The following CELF2 variants were observed in gnomAD, a reference collection of about 807,000 sequenced individuals.
CELF2 encodes the protein CUG triplet repeat RNA-binding protein 2.
Under a neutral mutation model 62.6 loss-of-function variants are expected in CELF2, and 8 were observed. The ratio of observed to expected loss-of-function variants is 0.13; its 90% CI spans 0.07 to 0.23. CELF2 has a LOEUF of 0.23. Among genes scored for constraint, CELF2 ranks in the 10% least tolerant of loss-of-function variants. The pLI, the probability that CELF2 is intolerant of heterozygous loss-of-function variation, is 1.00. For synonymous variants in CELF2, 258 were observed against 250.0 expected (o/e 1.03, Z -0.30); for missense variants, 333 against 671.0 (o/e 0.50, Z 5.56).
chr10:11,257,897 C>G (rs1391499527), intron 5 of CELF2, 25 bp downstream of exon 5: 2 of 1,613,186 alleles, frequency 1.2e-6, no homozygotes, highest in Non-Finnish European at 1.7e-6. Flanking sequence ...TGGAAAGCCT[C>G]TCCCCTTCAG....
intron 3 of CELF2, among the ~76,000 whole-genome samples, chr10:11,226,192 T>C (rs1295228448): frequency 6.6e-6 from 1 of 152,196 alleles, no homozygotes; most frequent in Non-Finnish European, 1.5e-5. Flanking sequence ...TTTTCACAAC[T>C]CCACAGGACA....
At chr10:11,106,544 ACACTTTTAATATTAGT>A (rs1168495903) in intron 1 of CELF2, among the ~76,000 whole-genome samples, 2 of 152,226 alleles carry the variant, frequency 1.3e-5, no homozygotes, top group African/African-American at 4.8e-5. Context: ...GCCCATCTTG[ACACTTTTAATATTAGT>A]CTTGAAACAG....
intron 1 of CELF2, among the ~76,000 whole-genome samples, chr10:11,142,851 C>T (rs998164122): frequency 1.3e-5 from 2 of 152,082 alleles, no homozygotes; most frequent in African/African-American, 4.8e-5. Context: ...TCTGGTAGAG[C>T]CAAGGTCTGT....
intron 1 of CELF2, among the ~76,000 whole-genome samples, chr10:11,086,670 G>A (rs566910716): frequency 2.1e-5 from 3 of 142,356 alleles, no homozygotes; most frequent in Non-Finnish European, 3.0e-5. Flanking sequence ...TAAATCTCTC[G>A]AGGCATTCAG....
At chr10:10,682,265 C>T in the CELF2 span, among the ~76,000 whole-genome samples, 1 of 152,228 alleles carries the variant, frequency 6.6e-6, no homozygotes, top group Non-Finnish European at 1.5e-5. Context: ...TTCACTTCTG[C>T]ATTCACTGTA....
chr10:10,527,338 A>C, the CELF2 span, among the ~76,000 whole-genome samples: 1 of 151,884 alleles, frequency 6.6e-6, no homozygotes, highest in African/African-American at 2.4e-5. Flanking sequence ...CAAGCTACTC[A>C]GGAGGCTGAG....
At chr10:11,031,339 CAT>C (rs2060081520) in intron 1 of CELF2, among the ~76,000 whole-genome samples, 1 of 152,192 alleles carries the variant, frequency 6.6e-6, no homozygotes, top group Non-Finnish European at 1.5e-5. Context: ...GGCCAGCTGA[CAT>C]GTGGTACCTG....
intron 1 of CELF2, among the ~76,000 whole-genome samples, chr10:11,058,938 G>A (rs1007466060): frequency 1.3e-5 from 2 of 151,862 alleles, no homozygotes; most frequent in Non-Finnish European, 2.9e-5. Flanking sequence ...TTATCACCAT[G>A]TCCGGCTAAT....
At chr10:11,033,471 G>C (rs898735042) in intron 1 of CELF2, among the ~76,000 whole-genome samples, 1 of 152,116 alleles carries the variant, frequency 6.6e-6, no homozygotes, top group Admixed American at 6.5e-5. Flanking sequence ...TGGTCAGGCT[G>C]GTCTCAGCCT....
the CELF2 span, among the ~76,000 whole-genome samples, chr10:10,621,630 A>T: frequency 6.6e-6 from 1 of 152,164 alleles, no homozygotes; most frequent in Non-Finnish European, 1.5e-5. Context: ...TTCAGGAAAC[A>T]GGAATTATTG....
intron 10 of CELF2, among the ~76,000 whole-genome samples, chr10:11,320,226 ACAGT>A (rs1462981191): frequency 6.6e-6 from 1 of 152,166 alleles, no homozygotes; most frequent in Non-Finnish European, 1.5e-5. Flanking sequence ...GGAAAATGTG[ACAGT>A]CAGCCACCCC....
At chr10:11,232,304 G>A (rs1046814145) in intron 3 of CELF2, among the ~76,000 whole-genome samples, 8 of 152,060 alleles carry the variant, frequency 5.3e-5, no homozygotes, top group Admixed American at 2.0e-4. Flanking sequence ...TAATGTAGTC[G>A]GGGCTAAAAA....
chr10:10,613,104 C>G, the CELF2 span, among the ~76,000 whole-genome samples: 1 of 151,178 alleles, frequency 6.6e-6, no homozygotes, highest in South Asian at 2.1e-4. Flanking sequence ...TTAATGGCTT[C>G]GAAACTCTTA....
At chr10:10,700,570 C>T in the CELF2 span, among the ~76,000 whole-genome samples, 1 of 152,164 alleles carries the variant, frequency 6.6e-6, no homozygotes, top group Non-Finnish European at 1.5e-5. Flanking sequence ...AGAGACTGAG[C>T]GCTGGGGCCT....
At chr10:11,181,760 C>G (rs971645357) in intron 2 of CELF2, among the ~76,000 whole-genome samples, 3 of 152,228 alleles carry the variant, frequency 2.0e-5, no homozygotes, top group Admixed American at 2.0e-4. Context: ...CATTGGTATA[C>G]ATTATAGGAC....
chr10:10,554,246 G>T, the CELF2 span, among the ~76,000 whole-genome samples: 1 of 152,108 alleles, frequency 6.6e-6, no homozygotes. Flanking sequence ...GAAGCATCTG[G>T]CCCAGATGTA....
At chr10:11,281,416 A>C (rs1397079658) in intron 8 of CELF2, among the ~76,000 whole-genome samples, 1 of 152,192 alleles carries the variant, frequency 6.6e-6, no homozygotes, top group Non-Finnish European at 1.5e-5. Flanking sequence ...AGCTAGAGCC[A>C]GTGGTTTGTG....
At chr10:10,690,736 C>A in the CELF2 span, among the ~76,000 whole-genome samples, 3 of 152,036 alleles carry the variant, frequency 2.0e-5, no homozygotes, top group African/African-American at 7.2e-5. Flanking sequence ...AAAAATTAGC[C>A]TGGCATGGTG....
rs538215476 is a variant in CELF2 at position 11,005,816 on chromosome 10, T to A, written c.53+376T>A. Among the ~76,000 whole-genome samples, 1 of 152,320 alleles carries A rather than the reference T, an allele frequency of 6.6e-6. No individual in the cohort carries two copies. Among genetic ancestry groups the A allele is most frequent in the African/African-American group, 2.4e-5 (1 of 41,570 alleles). Reference sequence around the variant, plus strand: ...TTTTTATGCACTCTGCATGGAATAATCACCGAAAAAGGAGCTGAGGAGACT... The same window carrying A: ...TTTTTATGCACTCTGCATGGAATAAACACCGAAAAAGGAGCTGAGGAGACT... On this transcript the variant is annotated intron_variant, in intron 1 of 12. Transcript: ENST00000416382. This position sits in a 1 kb window ranked among gnomAD's most constrained non-coding sequence, Gnocchi z 4.3.
Sources: allele counts gnomAD v4.1 joint callset (sites outside exome capture counted in the v4.1 genomes callset), GRCh38; gene constraint gnomAD v4.1.1; non-coding constraint Gnocchi (gnomAD v3.1); transcripts MANE v1.5; gene names NCBI Gene and HGNC (gene_info 2026-07-23, HGNC 2026-07-21).